FAAP100: variants seen among roughly 807,000 people sequenced by gnomAD.
The protein encoded by FAAP100 is Fanconi anemia core complex-associated protein 100.
Under a neutral mutation model 65.8 loss-of-function variants are expected in FAAP100, and 46 were observed. That is an observed-to-expected ratio of 0.70 (90% confidence interval 0.55 to 0.89). The LOEUF (loss-of-function observed/expected upper bound fraction) is 0.89, where lower values mean the gene tolerates loss of function less well. Among genes scored for constraint, FAAP100 ranks in the 40% least tolerant of loss-of-function variants. FAAP100 has a pLI of 0.00. For missense variants in FAAP100, 1,165 were observed against 1,196.7 expected, an observed-to-expected ratio of 0.97 and a Z score of 0.39; for synonymous variants, 663 against 555.1, an observed-to-expected ratio of 1.19 and a Z score of -2.73.
chr17:81,540,822 C>T lies in FAAP100; in HGVS notation c.2643G>A (p.Leu881=), dbSNP rs1468278097. The change falls in exon 9 of 9, where the codon CTG becomes CTA. Residue 881 remains leucine (L), a synonymous_variant. Transcript: ENST00000327787. The part of the protein sequence containing the change: ...RQLRHPSLIL[L] The stretch of plus-strand genomic sequence containing the variant: ...GCCCAGGGGCAGGCCCGCCTGGTCA[C>T]AGCAGGATGAGGCTGGGGTGGCGCA... 2 of 1,528,164 alleles carry T rather than the reference C, an allele frequency of 1.3e-6. No homozygotes were observed. The highest frequency in any genetic ancestry group is 1.8e-6 in the Non-Finnish European group (2 of 1,138,874). The allele number at this position is 1,528,164 out of a possible 1,614,324, so 94.7% of individuals were successfully genotyped here.
rs753592845 is a variant in FAAP100 at position 81,551,994 on chromosome 17, A to G, written c.224T>C (p.Leu75Ser). The change falls in exon 2 of 9, where the codon TTG becomes TCG. Residue 75 changes from leucine (L) to serine (S), a missense_variant. By Grantham distance (145) the Leu-to-Ser change is moderately radical. Transcript: ENST00000327787. ...WHLELLAPRR[L>S]LYALCARRGL... is the part of the protein sequence containing the mutation. ...CCTCCGGGCGCACAGCGCGTACAGC[A>G]ACCTGCGCGGCGCCAGCAGCTCCAG... The G allele has an allele frequency of 1.3e-6, 2 of 1,566,454 alleles. No homozygotes were observed. The highest frequency in any genetic ancestry group is 3.5e-5 in the Admixed American group (2 of 56,416).
chr17:81,547,855 C>G (rs993415822), intron 4 of FAAP100, 177 bp from the exon 5 acceptor site: 1 of 821,396 alleles, frequency 1.2e-6, no homozygotes, highest in Admixed American at 2.0e-5. Flanking sequence ...CGGCCCCACC[C>G]ACACCGAGCC....
At chr17:81,548,746 G>A (rs1229604460) in intron 4 of FAAP100, among the ~76,000 whole-genome samples, 2 of 147,306 alleles carry the variant, frequency 1.4e-5, no homozygotes, top group African/African-American at 2.5e-5. Context: ...CTCAAAAAAA[G>A]AGGCCAAGTA....
intron 3 of FAAP100, 146 bp downstream of exon 3, chr17:81,550,102 G>T (rs2033435467): frequency 1.3e-6 from 1 of 795,248 alleles, no homozygotes; most frequent in East Asian, 2.6e-5. Context: ...CTTGAGACAA[G>T]AGAGTTAACC....
In FAAP100 at chr17:81,550,650, C is replaced by G; in HGVS notation, c.844G>C (p.Val282Leu). 6.2e-7 allele frequency: 1 copy of G among 1,613,036 alleles called. No homozygotes were observed. The highest frequency in any genetic ancestry group is 8.5e-7 in the Non-Finnish European group (1 of 1,179,996). The stretch of plus-strand genomic sequence containing the variant: ...GTCTTCAAGGCCCCTATGAAGATGA[C>G]GGGCTCCTCCAGGTGATGGAGGATC... ...VKILHHLEEP[V>L]IFIGALKTEP... Residue 282 changes from valine (V) to leucine (L), a missense_variant, in exon 3 of 9, where the codon GTC becomes CTC. Physicochemically the swap from Val to Leu is conservative, Grantham distance 32. Transcript: ENST00000327787.
chr17:81,552,352 G>C lies in FAAP100; in HGVS notation c.-22C>G. On this transcript the variant is annotated 5_prime_UTR_variant, in exon 1 of 9. Coordinates refer to ENST00000327787, the MANE Select transcript of FAAP100 (RefSeq NM_025161.6). ...CCATCGTGCGCGCGGGCCCGTCAGA[G>C]TGAGAAGCCCCGGCCGCGCGGCGGC... 7.4e-7 allele frequency: 1 copy of C among 1,344,312 alleles called. No individual in the cohort carries two copies. Among genetic ancestry groups the C allele is most frequent in the East Asian group, 3.1e-5 (1 of 32,226 alleles). 83.3% of individuals were successfully genotyped at this position (1,344,312 alleles called of 1,614,324 possible).
intron 8 of FAAP100, 47 bp downstream of exon 8, chr17:81,541,262 C>G: frequency 6.4e-7 from 1 of 1,553,602 alleles, no homozygotes; most frequent in East Asian, 2.3e-5. Flanking sequence ...GATGGGCGCT[C>G]CTGGCTACCC....
chr17:81,549,376 C>T lies in FAAP100; in HGVS notation c.1247-14G>A, dbSNP rs1347451050. 6.3e-7 allele frequency: 1 copy of T among 1,596,420 alleles called. No homozygotes were observed. Among genetic ancestry groups the T allele is most frequent in the South Asian group, 1.1e-5 (1 of 90,782 alleles). Reference sequence around the variant, plus strand: ...GCTTGGTGCCACCTGGTGACAGACACACATGGGGCCTGGTCAGCGGCTGGG... The same window carrying T: ...GCTTGGTGCCACCTGGTGACAGACATACATGGGGCCTGGTCAGCGGCTGGG... On this transcript the variant is annotated splice_polypyrimidine_tract_variant and intron_variant, in intron 3 of 8. Transcript: ENST00000327787.
At position 81,552,029 on chromosome 17, in the gene FAAP100, C is replaced by T; in HGVS notation, c.189G>A (p.Gln63=). 6.5e-7 allele frequency: 1 copy of T among 1,543,634 alleles called. No homozygotes were observed. Among genetic ancestry groups the T allele is most frequent in the Non-Finnish European group, 8.7e-7 (1 of 1,155,838 alleles). The change falls in exon 2 of 9, where the codon CAG becomes CAA. Residue 63 remains glutamine (Q), a synonymous_variant. Coordinates refer to ENST00000327787, the MANE Select transcript of FAAP100 (RefSeq NM_025161.6). ...LLTAAFRFPD[Q]VWHLELLAPR... ...GCGCCAGCAGCTCCAGGTGCCACAC[C>T]TGGTCGGGGAACCGGAACGCCGCCT...
At chr17:81,547,999 T>C (rs2033371474) in intron 4 of FAAP100, 1 of 700,850 alleles carries the variant, frequency 1.4e-6, no homozygotes, top group East Asian at 2.7e-5. Context: ...ACCACCCACA[T>C]CTGGGCCACG....
chr17:81,540,136 GC>G lies in FAAP100; in HGVS notation c.*682del. The G allele has an allele frequency of 2.5e-6, 1 of 398,632 alleles. No homozygotes were observed. The highest frequency in any genetic ancestry group is 4.4e-6 in the Non-Finnish European group (1 of 225,968). 24.7% of individuals were successfully genotyped at this position (398,632 alleles called of 1,614,324 possible). ...AAAATAGTGCACAGTGCTGGGTACTGCCCCGGCTGGAGGCACCTAGTTGTTG... is the reference window on the plus strand; with the variant it reads ...AAAATAGTGCACAGTGCTGGGTACTGCCCGGCTGGAGGCACCTAGTTGTTG... On this transcript the variant is annotated 3_prime_UTR_variant, in exon 9 of 9. Coordinates refer to ENST00000327787, the MANE Select transcript of FAAP100 (RefSeq NM_025161.6).
intron 6 of FAAP100, among the ~76,000 whole-genome samples, chr17:81,544,643 A>C (rs1302072013): frequency 6.6e-6 from 1 of 152,240 alleles, no homozygotes; most frequent in Non-Finnish European, 1.5e-5. Flanking sequence ...GAGCTGGACA[A>C]CAAATGGCAA....
Position 81,547,199 on chromosome 17 carries a change from G to C in FAAP100, c.1883C>G (p.Pro628Arg), listed in dbSNP as rs771374171. The C allele has an allele frequency of 8.3e-6, 13 of 1,562,342 alleles. No individual in the cohort carries two copies. Among genetic ancestry groups the C allele is most frequent in the Admixed American group, 1.8e-5 (1 of 55,944 alleles). ...DSEDPFLDEC[P>R]SDVLPEQEGV... ...CTCTTGCTCGGGCAGGACGTCGGAG[G>C]GGCACTCATCCAGAAAGGGGTCCTC... is the stretch of plus-strand genomic sequence containing the variant. The change falls in exon 5 of 9, where the codon CCC becomes CGC. Residue 628 changes from proline to arginine, a missense_variant. Coordinates refer to ENST00000327787, the MANE Select transcript of FAAP100 (RefSeq NM_025161.6).
At chr17:81,544,219 G>A in intron 6 of FAAP100, 99 bp from the exon 7 acceptor site, 2 of 943,552 alleles carry the variant, frequency 2.1e-6, no homozygotes, top group Non-Finnish European at 3.3e-6. Context: ...AGCACGTGAG[G>A]CCCTGAGATG....
At position 81,551,975 on chromosome 17, in the gene FAAP100, G is replaced by A. The variant is rs773756160; in HGVS notation, c.243C>T (p.Ala81=). 46 of 1,565,276 alleles carry A rather than the reference G, an allele frequency of 2.9e-5. 1 individual carries two copies. Among genetic ancestry groups the A allele is most frequent in the Non-Finnish European group, 3.8e-5 (44 of 1,164,876 alleles). ...GCGACAGGCAGTAGAGGCCCCTCCGGGCGCACAGCGCGTACAGCAACCTGC... is the reference window on the plus strand; with the variant it reads ...GCGACAGGCAGTAGAGGCCCCTCCGAGCGCACAGCGCGTACAGCAACCTGC... The part of the protein sequence containing the change: ...APRRLLYALC[A]RRGLYCLSLD... Residue 81 remains alanine (A), a synonymous_variant, in exon 2 of 9, where the codon GCC becomes GCT. Transcript: ENST00000327787.
At chr17:81,542,123 C>A (rs1439443571) in intron 7 of FAAP100, among the ~76,000 whole-genome samples, 1 of 127,944 alleles carries the variant, frequency 7.8e-6, no homozygotes, top group African/African-American at 3.1e-5. Context: ...GCCGAGATCC[C>A]GCCACTGCAC....
Position 81,544,093 on chromosome 17 carries a change from C to A in FAAP100, c.2338G>T (p.Gly780Trp). The A allele has an allele frequency of 1.9e-6, 3 of 1,612,574 alleles. No homozygotes were observed. Among genetic ancestry groups the A allele is most frequent in the Non-Finnish European group, 2.5e-6 (3 of 1,179,756 alleles). ...TGAATCTCCACGGCCTGGATGGGCC[C>A]TGCTGGGCACAGGTCAGTCATGGCC... ...EVAMTDLCPA[G>W]PIQAVEIQVE... The change falls in exon 7 of 9, where the codon GGG becomes TGG. Residue 780 changes from glycine (G) to tryptophan (W), a missense_variant. Physicochemically the swap from Gly to Trp is radical, Grantham distance 184. Transcript: ENST00000327787.
chr17:81,549,146 G>T, intron 4 of FAAP100, 60 bp downstream of exon 4: 1 of 1,586,112 alleles, frequency 6.3e-7, no homozygotes, highest in Non-Finnish European at 8.5e-7. Context: ...CCCACACAGG[G>T]ACGCTACCTC....
intron 7 of FAAP100, among the ~76,000 whole-genome samples, 200 bp downstream of exon 7, chr17:81,543,804 G>A (rs1433951437): frequency 6.6e-6 from 1 of 152,162 alleles, no homozygotes; most frequent in Non-Finnish European, 1.5e-5. Flanking sequence ...TTGGCCTCCT[G>A]AGAGGGTCCA....
Sources: allele counts gnomAD v4.1 joint callset (sites outside exome capture counted in the v4.1 genomes callset), GRCh38; gene constraint gnomAD v4.1.1; transcripts MANE v1.5; gene names NCBI Gene and HGNC (gene_info 2026-07-23, HGNC 2026-07-21).